Variants in SEPTIN11 observed in about 807,000 individuals in gnomAD.
SEPTIN11 encodes the protein septin 11, also known as septin-11.
SEPTIN11 carries 25 observed loss-of-function variants against 51.4 expected under a neutral mutation model. The ratio of observed to expected loss-of-function variants is 0.49; its 90% confidence interval spans 0.35 to 0.68. SEPTIN11 has a LOEUF of 0.68. Among genes scored for constraint, SEPTIN11 ranks in the 30% least tolerant of loss-of-function variants. The pLI is 0.00. For synonymous variants in SEPTIN11, 174 were observed against 184.1 expected, an observed-to-expected ratio of 0.95 and a Z score of 0.44; for missense variants, 381 against 520.8, an observed-to-expected ratio of 0.73 and a Z score of 2.61.
At chr4:76,982,893 A>C (rs2109917404) in intron 1 of SEPTIN11, among the ~76,000 whole-genome samples, 1 of 152,122 alleles carries the variant, frequency 6.6e-6, no homozygotes, top group African/African-American at 2.4e-5. Flanking sequence ...TGCTTTTACT[A>C]ATATCTATCT....
rs746148784 is a variant in SEPTIN11, at chr4:77,034,871, G to A, written c.*359G>A. ...ACGTCTGACATGAAAACTTCTCACCGCCTCAGCAGCTGAACTAAAAACCTG... is the reference window on the plus strand; with the variant it reads ...ACGTCTGACATGAAAACTTCTCACCACCTCAGCAGCTGAACTAAAAACCTG... On this transcript the variant is annotated 3_prime_UTR_variant, in exon 10 of 10. Coordinates refer to ENST00000264893, the MANE Select transcript of SEPTIN11 (RefSeq NM_018243.4). The A allele has an allele frequency of 4.7e-5, 48 of 1,010,680 alleles. No individual in the cohort carries two copies. Among genetic ancestry groups the A allele is most frequent in the South Asian group, 9.2e-5 (2 of 21,636 alleles). The allele number at this position is 1,010,680 out of a possible 1,614,324, so 62.6% of individuals were successfully genotyped here.
chr4:77,035,342 GA>G lies in SEPTIN11; in HGVS notation c.*832del. 1.0e-6 allele frequency: 1 copy of G among 985,424 alleles called. No individual in the cohort carries two copies. Among genetic ancestry groups the G allele is most frequent in the Non-Finnish European group, 1.2e-6 (1 of 829,946 alleles). 61.0% of individuals were successfully genotyped at this position (985,424 alleles called of 1,614,324 possible). A position where few individuals can be genotyped will look rare whatever the true frequency, so the allele number is the denominator to read the frequency against. ...CAGCCTGCTTACCACTAACAGTAAG[GA>G]ATCTTTCATAAACACACCTCAGTTT... On this transcript the variant is annotated 3_prime_UTR_variant, in exon 10 of 10. Transcript: ENST00000264893.
At chr4:76,975,122 A>G (rs1722428777) in intron 1 of SEPTIN11, among the ~76,000 whole-genome samples, 1 of 148,424 alleles carries the variant, frequency 6.7e-6, no homozygotes, top group Non-Finnish European at 1.5e-5. Context: ...TCAAAAAAAA[A>G]AAAGAAGAAA....
rs777660289 is a variant in SEPTIN11, at chr4:77,020,553, G to A, written c.836G>A (p.Arg279His). ...DFVKLREMLI[R>H]VNMEDLREQT... ...GTGAAACTTCGAGAGATGCTGATCC[G>A]CGTGAACATGGAGGACTTGCGAGAG... Residue 279 changes from arginine to histidine, a missense_variant, in exon 7 of 10, where the codon CGC becomes CAC. Arg to His is a conservative substitution (Grantham distance 29). Coordinates refer to ENST00000264893, the MANE Select transcript of SEPTIN11 (RefSeq NM_018243.4). 16 of 1,613,832 alleles carry A rather than the reference G, an allele frequency of 9.9e-6. No homozygotes were observed. The highest frequency in any genetic ancestry group is 2.2e-5 in the East Asian group (1 of 44,872).
At chr4:77,026,629 T>G (rs1318037780) in intron 7 of SEPTIN11, among the ~76,000 whole-genome samples, 1 of 152,216 alleles carries the variant, frequency 6.6e-6, no homozygotes, top group Non-Finnish European at 1.5e-5. Context: ...TTGGAGATCC[T>G]TTCTTGAAAT....
At chr4:77,032,704 G>A (rs1726745545) in intron 9 of SEPTIN11, among the ~76,000 whole-genome samples, 1 of 152,182 alleles carries the variant, frequency 6.6e-6, no homozygotes, top group African/African-American at 2.4e-5. Context: ...AAAGGTTCAA[G>A]TTTTAAAACT....
intron 1 of SEPTIN11, among the ~76,000 whole-genome samples, chr4:76,992,118 C>T (rs914182108): frequency 3.3e-5 from 5 of 152,172 alleles, no homozygotes; most frequent in Non-Finnish European, 5.9e-5. Flanking sequence ...TCTGTGTTGG[C>T]ACTTTCTTTT....
chr4:76,983,190 G>A (rs911900891), intron 1 of SEPTIN11, among the ~76,000 whole-genome samples: 5 of 152,150 alleles, frequency 3.3e-5, no homozygotes, highest in Non-Finnish European at 7.3e-5. Flanking sequence ...GACCTGGGTG[G>A]ACCTTACCTC....
chr4:77,036,343 A>G lies in SEPTIN11; in HGVS notation c.*1831A>G. 1 of 1,043,130 alleles carries G rather than the reference A, an allele frequency of 9.6e-7. No individual in the cohort carries two copies. Among genetic ancestry groups the G allele is most frequent in the Non-Finnish European group, 1.2e-6 (1 of 865,488 alleles). The allele number at this position is 1,043,130 out of a possible 1,614,324, so 64.6% of individuals were successfully genotyped here. On this transcript the variant is annotated 3_prime_UTR_variant, in exon 10 of 10. Coordinates refer to ENST00000264893, the MANE Select transcript of SEPTIN11 (RefSeq NM_018243.4). ...CAGCCAAATAGTAGCTGGCATGTTG[A>G]TTCAAACCATGGGCTGAATTTGCTC... is the stretch of plus-strand genomic sequence containing the variant.
At chr4:76,995,690 A>C (rs1723665273) in intron 1 of SEPTIN11, 1 of 1,199,604 alleles carries the variant, frequency 8.3e-7, no homozygotes, top group Admixed American at 3.1e-5. Flanking sequence ...GTACCATTTT[A>C]TATAACAGCA....
intron 1 of SEPTIN11, among the ~76,000 whole-genome samples, chr4:76,978,920 A>C (rs905370547): frequency 2.0e-5 from 3 of 152,074 alleles, no homozygotes; most frequent in African/African-American, 4.8e-5. Flanking sequence ...GGGCCCTCTT[A>C]AACTTCACTT....
chr4:76,966,631 GAAGA>G (rs1722046844), intron 1 of SEPTIN11, among the ~76,000 whole-genome samples: 2 of 151,894 alleles, frequency 1.3e-5, no homozygotes, highest in East Asian at 2.0e-4. Context: ...GGAGGCCGAG[GAAGA>G]TAGATCACTT....
chr4:76,983,188 T>C (rs770180431), intron 1 of SEPTIN11, among the ~76,000 whole-genome samples: 1 of 152,126 alleles, frequency 6.6e-6, no homozygotes, highest in Non-Finnish European at 1.5e-5. Context: ...TTGACCTGGG[T>C]GGACCTTACC....
At chr4:77,016,138 A>G (rs530008543) in intron 5 of SEPTIN11, among the ~76,000 whole-genome samples, 11 of 152,268 alleles carry the variant, frequency 7.2e-5, no homozygotes, top group Middle Eastern at 3.4e-3. Context: ...CATAATAATA[A>G]TAGCACCTGA....
intron 1 of SEPTIN11, among the ~76,000 whole-genome samples, chr4:76,991,507 G>A (rs1422052423): frequency 2.6e-5 from 4 of 152,174 alleles, no homozygotes; most frequent in African/African-American, 9.7e-5. Flanking sequence ...GAAGTCAGCT[G>A]GGAATTTTCT....
intron 1 of SEPTIN11, among the ~76,000 whole-genome samples, chr4:76,964,293 C>G (rs547988695): frequency 8.7e-6 from 1 of 114,468 alleles, no homozygotes; most frequent in African/African-American, 3.3e-5. Flanking sequence ...AATTCTTGGC[C>G]AATCATTTTT....
intron 5 of SEPTIN11, among the ~76,000 whole-genome samples, chr4:77,018,438 G>C (rs1415767317): frequency 7.1e-6 from 1 of 140,256 alleles, no homozygotes; most frequent in Admixed American, 7.2e-5. Context: ...AACAGAGCGA[G>C]ACTCCATCTC....
chr4:77,039,722 T>TA, downstream of SEPTIN11: 1 of 985,374 alleles, frequency 1.0e-6, no homozygotes, highest in Non-Finnish European at 1.2e-6. Flanking sequence ...GTTCTATTGA[T>TA]ACAATGTTTT....
intron 2 of SEPTIN11, among the ~76,000 whole-genome samples, chr4:76,999,260 C>G (rs998825244): frequency 1.3e-5 from 2 of 152,180 alleles, no homozygotes; most frequent in Admixed American, 6.5e-5. Flanking sequence ...AATCCCGTTG[C>G]CATACATATT....
Sources: allele counts gnomAD v4.1 joint callset (sites outside exome capture counted in the v4.1 genomes callset), GRCh38; gene constraint gnomAD v4.1.1; transcripts MANE v1.5; gene names NCBI Gene and HGNC (gene_info 2026-07-23, HGNC 2026-07-21).